GTPBP6: variants seen among roughly 807,000 people sequenced by gnomAD.
The protein encoded by GTPBP6 is GTP binding protein 6, also known as putative GTP-binding protein 6.
A neutral mutation model predicts 28.9 loss-of-function variants in GTPBP6; 33 were observed. That is an observed-to-expected ratio of 1.14 (90% CI 0.87 to 1.53). GTPBP6 has a LOEUF of 1.53. Ranked by LOEUF, GTPBP6 falls within the 40% of genes most tolerant of loss-of-function variation. The probability of loss-of-function intolerance (pLI) is 0.00; values close to 1 mark genes in which losing one functional copy is unlikely to be tolerated. For synonymous variants in GTPBP6, 231 were observed against 192.7 expected (o/e 1.20, Z -1.65); for missense variants, 507 against 408.3 (o/e 1.24, Z -2.08).
chrX:307,639 C>T, intron 8 of GTPBP6, 93 bp downstream of exon 8: 1 of 1,424,186 alleles, frequency 7.0e-7, no homozygotes, highest in Non-Finnish European at 9.4e-7. Context: ...ACTGCCACCG[C>T]TGCGGTTCAC....
intron 2 of GTPBP6, among the ~76,000 whole-genome samples, chrX:316,340 G>GGGACACACAC (rs1206107221): frequency 1.1e-5 from 1 of 94,810 alleles, no homozygotes; most frequent in Non-Finnish European, 2.2e-5. Context: ...TCCCATTGGG[G>GGGACACACAC]ACACACACAC....
intron 5 of GTPBP6, 148 bp downstream of exon 5, chrX:314,002 G>A (rs1289594453): frequency 5.5e-6 from 4 of 726,290 alleles, no homozygotes; most frequent in African/African-American, 3.5e-5. Flanking sequence ...CCAGGGCTGA[G>A]GGTCTCCTAT....
intron 4 of GTPBP6, among the ~76,000 whole-genome samples, 158 bp downstream of exon 4, chrX:314,732 T>C (rs1399710369): frequency 3.3e-5 from 5 of 152,090 alleles, no homozygotes; most frequent in Admixed American, 1.3e-4. Context: ...CACCTCGGCC[T>C]CCCAAAGTGC....
chrX:309,145 A>G (rs1014597182), intron 7 of GTPBP6, among the ~76,000 whole-genome samples: 2 of 152,194 alleles, frequency 1.3e-5, no homozygotes, highest in Non-Finnish European at 2.9e-5. Context: ...CTTCTCCCTC[A>G]GGGCAAAAAA....
intron 2 of GTPBP6, 112 bp from the exon 3 acceptor site, chrX:315,411 A>G (rs9646380): frequency 0.48 from 191,601 of 398,004 alleles, 46,449 homozygotes; most frequent in East Asian, 0.58. Context: ...CTTCACAGGC[A>G]TCCCCGACTT....
At chrX:314,812 G>A (rs1223112185) in intron 4 of GTPBP6, 78 bp downstream of exon 4, 27 of 407,196 alleles carry the variant, frequency 6.6e-5, no homozygotes, top group South Asian at 6.6e-4. Flanking sequence ...CCCCCAGAAC[G>A]CCCTACAGGT....
At position 313,474 on chromosome X, in the gene GTPBP6, G is replaced by C. The variant is rs2070356593; in HGVS notation, c.758-550C>G. Among the ~76,000 whole-genome samples, 3 of 149,200 alleles carry C rather than the reference G, an allele frequency of 2.0e-5. No homozygotes were observed. In the South Asian group the frequency reaches 6.5e-4, roughly 32 times the overall value. On this transcript the variant is annotated intron_variant, in intron 5 of 9. Coordinates refer to ENST00000326153, the Ensembl canonical transcript of GTPBP6. ...GAAGGACCCTGCCCTAGAGCCTCCA[G>C]AGGGAAGTGGATACAAGTGTAGCGG...
At chrX:317,688 C>T (rs1423215988) in intron 1 of GTPBP6, among the ~76,000 whole-genome samples, 2,739 of 45,510 alleles carry the variant, frequency 0.06, 112 homozygotes, top group African/African-American at 0.16. Context: ...ACCGCCCCGG[C>T]CCACCCAACC....
At chrX:316,496 G>T (rs1345153741) in intron 2 of GTPBP6, among the ~76,000 whole-genome samples, 1 of 152,180 alleles carries the variant, frequency 6.6e-6, no homozygotes, top group African/African-American at 2.4e-5. Context: ...AACTCTACTG[G>T]AAGCGGGATG....
intron 8 of GTPBP6, 72 bp from the exon 9 acceptor site, chrX:307,584 T>C: frequency 6.5e-7 from 1 of 1,530,874 alleles, no homozygotes; most frequent in East Asian, 2.3e-5. Flanking sequence ...TCCCCAGGAG[T>C]CCACTGCCCA....
exon 2 of GTPBP6, chrX:316,943 A>G (rs1160209865): frequency 5.0e-6 from 2 of 398,530 alleles, no homozygotes; most frequent in African/African-American, 4.1e-5. Context: ...CCCTTTGCCA[A>G]AGATGAGCTT....
intron 9 of GTPBP6, among the ~76,000 whole-genome samples, chrX:305,961 C>T (rs1020874970): frequency 2.0e-5 from 3 of 151,948 alleles, no homozygotes; most frequent in African/African-American, 7.2e-5. Context: ...GGGGTCTCAC[C>T]ATGTTGCCCA....
intron 2 of GTPBP6, 117 bp from the exon 3 acceptor site, chrX:315,416 C>G (rs1307860455): frequency 2.5e-6 from 1 of 398,460 alleles, no homozygotes; most frequent in East Asian, 3.6e-5. Context: ...CAGGCATCCC[C>G]GACTTCCTGA....
chrX:311,168 G>T (rs2070279688), intron 7 of GTPBP6, among the ~76,000 whole-genome samples: 1 of 81,240 alleles, frequency 1.2e-5, no homozygotes, highest in Admixed American at 1.6e-4. Context: ...GGAGGCAGTT[G>T]TTGTTCCGGC....
At position 311,068 on chromosome X, in the gene GTPBP6, A is replaced by G. The variant is rs991942570; in HGVS notation, c.1125+351T>C. On this transcript the variant is annotated intron_variant, in intron 7 of 9. Coordinates refer to ENST00000326153, the Ensembl canonical transcript of GTPBP6. ...TACACGGGCTCACGGCGGCAAGAAC[A>G]TGGCCCTGAGTGTCGGTGAGGCTGG... Among the ~76,000 whole-genome samples, 4 of 152,170 alleles carry G rather than the reference A, an allele frequency of 2.6e-5. No individual in the cohort carries two copies. In the East Asian group the frequency reaches 5.8e-4, roughly 22 times the overall value.
intron 5 of GTPBP6, among the ~76,000 whole-genome samples, chrX:313,150 G>A (rs374280881): frequency 4.6e-5 from 7 of 152,212 alleles, no homozygotes; most frequent in Admixed American, 1.3e-4. Context: ...TGAGGTCAAC[G>A]AGGGCTTCCC....
At chrX:312,419 A>G (rs1444086342) in intron 6 of GTPBP6, 1 of 530,036 alleles carries the variant, frequency 1.9e-6, no homozygotes, top group Non-Finnish European at 3.6e-6. Context: ...GGTGGTATAG[A>G]TAGGGCAGTG....
rs1331731526 is a variant in GTPBP6 at position 317,474 on chromosome X, G to C, written c.350-423C>G. 2.0e-5 allele frequency among the ~76,000 whole-genome samples: 3 copies of C among 147,932 alleles called. No individual in the cohort carries two copies. The South Asian group carries it at 6.3e-4, about 31-fold the overall frequency. ...CACCCGTAAAGAAAAACCACTCATC[G>C]ACTACAGGAGCTTCCAAGGGAAAAA... is the stretch of plus-strand genomic sequence containing the variant. On this transcript the variant is annotated intron_variant, in intron 1 of 9. Transcript: ENST00000326153.
intron 1 of GTPBP6, among the ~76,000 whole-genome samples, chrX:317,701 ACCCC>A (rs2070464355): frequency 3.8e-4 from 2 of 5,212 alleles, no homozygotes; most frequent in Non-Finnish European, 7.6e-4. Flanking sequence ...ACCCAACCCC[ACCCC>A]ACCCCACCCC....
Sources: gnomAD v4.1 joint callset for allele counts (sites outside exome capture counted in the v4.1 genomes callset) on GRCh38, gnomAD v4.1.1 for gene constraint, MANE v1.5 for transcripts, NCBI Gene and HGNC (gene_info 2026-07-23, HGNC 2026-07-21) for gene names.